The following MITF variants were observed in gnomAD, a reference collection of about 807,000 sequenced individuals.
The protein encoded by MITF is melanocyte inducing transcription factor, also known as microphthalmia-associated transcription factor.
Under a neutral mutation model 60.5 loss-of-function variants are expected in MITF, and 17 were observed. That is an observed-to-expected ratio of 0.28 (90% CI 0.19 to 0.42). MITF has a LOEUF of 0.42. Among genes scored for constraint, MITF ranks in the 10% least tolerant of loss-of-function variants. The pLI is 1.00. For synonymous variants in MITF, 260 were observed against 248.5 expected, an observed-to-expected ratio of 1.05 and a Z score of -0.43; for missense variants, 622 against 683.5, an observed-to-expected ratio of 0.91 and a Z score of 1.00.
intron 2 of MITF, among the ~76,000 whole-genome samples, chr3:69,937,365 GGTGTGTGTGTGTGTGT>G (rs56689910): frequency 6.3e-5 from 9 of 142,116 alleles, no homozygotes; most frequent in East Asian, 2.1e-4. Context: ...TTCTTAAGGA[GGTGTGTGTGTGTGTGT>G]GTGTGTGTGT....
rs748644115 is a variant in MITF, at chr3:69,959,435, T to C, written c.1179+15T>C. ...TCAGAATACAGGTACGCAGCCTGAG[T>C]TGTGTAAAGTTTACTGCTTTTTACC... On this transcript the variant is annotated intron_variant, in intron 9 of 9. Transcript: ENST00000352241. 24 of 1,613,526 alleles carry C rather than the reference T, an allele frequency of 1.5e-5. No homozygotes were observed. The highest frequency in any genetic ancestry group is 2.7e-5 in the African/African-American group (2 of 74,890).
At chr3:69,771,800 G>C (rs1368106833) in intron 1 of MITF, among the ~76,000 whole-genome samples, 1 of 152,128 alleles carries the variant, frequency 6.6e-6, no homozygotes, top group Non-Finnish European at 1.5e-5. Context: ...ATGTGACATG[G>C]GGTTCATGTT....
chr3:69,886,620 C>T (rs997793880), intron 2 of MITF, among the ~76,000 whole-genome samples: 2 of 152,066 alleles, frequency 1.3e-5, no homozygotes, highest in African/African-American at 4.8e-5. Flanking sequence ...ACAGGCTTAA[C>T]AGAAAGATAC....
At chr3:69,886,266 AC>A (rs1301540812) in intron 2 of MITF, among the ~76,000 whole-genome samples, 1 of 152,100 alleles carries the variant, frequency 6.6e-6, no homozygotes, top group Non-Finnish European at 1.5e-5. Flanking sequence ...ACGTGACACT[AC>A]CTGAAGCACC....
chr3:69,849,351 GT>G (rs1284201893), intron 1 of MITF, among the ~76,000 whole-genome samples: 4 of 152,190 alleles, frequency 2.6e-5, no homozygotes, highest in African/African-American at 4.8e-5. Context: ...TTACGGTGCT[GT>G]TTTAGAGGAG....
intron 1 of MITF, among the ~76,000 whole-genome samples, chr3:69,789,109 G>T (rs533263139): frequency 2.6e-5 from 4 of 152,108 alleles, no homozygotes; most frequent in African/African-American, 9.6e-5. Context: ...TCTTCTAGGT[G>T]CTAGAAAAAA....
At chr3:69,938,636 A>G in intron 3 of MITF, 1 of 1,340,888 alleles carries the variant, frequency 7.5e-7, no homozygotes, top group Non-Finnish European at 9.5e-7. Context: ...GCTTTGGTGA[A>G]GGCTGGATTG....
intron 1 of MITF, among the ~76,000 whole-genome samples, chr3:69,802,329 C>T (rs2062935030): frequency 6.6e-6 from 1 of 152,150 alleles, no homozygotes; most frequent in Admixed American, 6.5e-5. Context: ...GAAAGTCTGG[C>T]CTAGAGTCAT....
rs185557409 is a variant in MITF, at chr3:69,856,954, G to T, written c.105-22180G>T. 1.3e-3 allele frequency among the ~76,000 whole-genome samples: 197 copies of T among 151,762 alleles called. 1 individual carries two copies. The highest frequency in any genetic ancestry group is 2.4e-3 in the Non-Finnish European group (163 of 67,854). ...TTGTGTGTGTTTTTTGTTCTGTTTT[G>T]TTTTTGTTTTTTTTAAGTCAGATCA... On this transcript the variant is annotated intron_variant, in intron 1 of 9. Coordinates refer to ENST00000352241, the MANE Select transcript of MITF (RefSeq NM_001354604.2).
intron 2 of MITF, among the ~76,000 whole-genome samples, chr3:69,879,907 C>G (rs1323282807): frequency 1.3e-5 from 2 of 152,124 alleles, no homozygotes; most frequent in African/African-American, 4.8e-5. Flanking sequence ...TGCTTTGGGT[C>G]TCTTTGATTT....
In MITF at chr3:69,876,240, G is replaced by A. The variant is rs577136107; in HGVS notation, c.105-2894G>A. On this transcript the variant is annotated intron_variant, in intron 1 of 9. Transcript: ENST00000352241. ...CCCCCAGTATCACAGCCAATGACTCGTCTTGAGCAGCTAATTAGTGCGATT... is the reference window on the plus strand; with the variant it reads ...CCCCCAGTATCACAGCCAATGACTCATCTTGAGCAGCTAATTAGTGCGATT... Among the ~76,000 whole-genome samples, 38 of 152,182 alleles carry A rather than the reference G, an allele frequency of 2.5e-4. 1 individual carries two copies. In the South Asian group the frequency reaches 7.0e-3, roughly 28 times the overall value.
intron 2 of MITF, among the ~76,000 whole-genome samples, chr3:69,890,163 G>A (rs558756562): frequency 4.4e-4 from 67 of 152,194 alleles, no homozygotes; most frequent in African/African-American, 1.6e-3. Flanking sequence ...ATTATTTGGA[G>A]CCCATGTTAG....
At chr3:69,949,762 G>C (rs2066195669) in intron 6 of MITF, among the ~76,000 whole-genome samples, 1 of 152,116 alleles carries the variant, frequency 6.6e-6, no homozygotes, top group African/African-American at 2.4e-5. Flanking sequence ...TCTCTACTTT[G>C]CTTAATGCTT....
rs568391743 is a variant in MITF at position 69,740,407 on chromosome 3, T to C, written c.104+706T>C. Among the ~76,000 whole-genome samples the C allele has an allele frequency of 3.3e-5, 5 of 152,292 alleles. No individual in the cohort carries two copies. In the South Asian group the frequency reaches 6.2e-4, roughly 19 times the overall value. ...TGCAGAGGGGAAATGAGCCTTGGTC[T>C]TGGGGGTTACTGGGAGTGTACCCCG... On this transcript the variant is annotated intron_variant, in intron 1 of 9. Transcript: ENST00000352241.
At position 69,939,155 on chromosome 3, in the gene MITF, A is replaced by G; in HGVS notation, c.640A>G (p.Thr214Ala). 1 of 1,614,132 alleles carries G rather than the reference A, an allele frequency of 6.2e-7. No homozygotes were observed. Among genetic ancestry groups the G allele is most frequent in the Non-Finnish European group, 8.5e-7 (1 of 1,180,004 alleles). Residue 214 changes from threonine to alanine, a missense_variant, in exon 4 of 10, where the codon ACA (threonine) becomes GCA (alanine). Physicochemically the swap from Thr to Ala is moderately conservative, Grantham distance 58. Coordinates refer to ENST00000352241, the MANE Select transcript of MITF (RefSeq NM_001354604.2). ...AGAGAGCGAGTGCCCAGGCATGAAC[A>G]CACATTCACGAGCGTCCTGTATGCA... ...RAESECPGMNTHSRASCMQMD... is the reference protein window; with the variant it reads ...RAESECPGMNAHSRASCMQMD...
chr3:69,773,987 G>A (rs531929912), intron 1 of MITF, among the ~76,000 whole-genome samples: 2 of 152,284 alleles, frequency 1.3e-5, no homozygotes, highest in Non-Finnish European at 2.9e-5. Flanking sequence ...CTCATAAAGT[G>A]TTGTTAATGG....
chr3:69,941,259 C>A lies in MITF; in HGVS notation c.690C>A (p.Ile230=). Reference sequence around the variant, plus strand: ...AGATGGATGATGTAATCGATGACATCATTAGCCTAGAATCAAGTTATAATG... The same window carrying A: ...AGATGGATGATGTAATCGATGACATAATTAGCCTAGAATCAAGTTATAATG... ...CMQMDDVIDD[I]ISLESSYNEE... is the part of the protein sequence containing the mutation. Residue 230 remains isoleucine, a synonymous_variant, in exon 5 of 10, where the codon ATC becomes ATA. Transcript: ENST00000352241. 1 of 1,612,172 alleles carries A rather than the reference C, an allele frequency of 6.2e-7. No individual in the cohort carries two copies. The highest frequency in any genetic ancestry group is 1.1e-5 in the South Asian group (1 of 90,996).
intron 1 of MITF, among the ~76,000 whole-genome samples, chr3:69,825,198 G>T (rs1221668920): frequency 6.6e-6 from 1 of 152,146 alleles, no homozygotes; most frequent in Non-Finnish European, 1.5e-5. Context: ...ATAGTATTAT[G>T]GGGTTCTGTG....
rs376719913 is a variant in MITF at position 69,920,613 on chromosome 3, G to A, written c.355-17209G>A. On this transcript the variant is annotated intron_variant, in intron 2 of 9. Coordinates refer to ENST00000352241, the MANE Select transcript of MITF (RefSeq NM_001354604.2). ...TCTGCCTCAGCTGCCAGGCAGGGAAGGGCTCCCTGTCCAGTGGACACGTGA... is the reference window on the plus strand; with the variant it reads ...TCTGCCTCAGCTGCCAGGCAGGGAAAGGCTCCCTGTCCAGTGGACACGTGA... Among the ~76,000 whole-genome samples the A allele has an allele frequency of 1.1e-4, 16 of 152,282 alleles. No individual in the cohort carries two copies. The East Asian group carries it at 2.5e-3, about 24-fold the overall frequency.
Sources: gnomAD v4.1 joint callset for allele counts (sites outside exome capture counted in the v4.1 genomes callset) on GRCh38, gnomAD v4.1.1 for gene constraint, MANE v1.5 for transcripts, NCBI Gene and HGNC (gene_info 2026-07-23, HGNC 2026-07-21) for gene names.